The following CHDH variants were observed in gnomAD, a reference collection of about 807,000 sequenced individuals.
CHDH encodes the protein choline dehydrogenase, also known as choline dehydrogenase, mitochondrial.
Under a neutral mutation model 56.9 loss-of-function variants are expected in CHDH, and 43 were observed. The ratio of observed to expected loss-of-function variants is 0.76; its 90% CI spans 0.59 to 0.97. The LOEUF (loss-of-function observed/expected upper bound fraction) is 0.97, where lower values mean the gene tolerates loss of function less well. Ranked by LOEUF, CHDH falls within the 50% of genes least tolerant of loss-of-function variation. The pLI, the probability that CHDH is intolerant of heterozygous loss-of-function variation, is 0.00. For missense variants in CHDH, 816 were observed against 821.1 expected, an observed-to-expected ratio of 0.99 and a Z score of 0.08; for synonymous variants, 364 against 348.5, an observed-to-expected ratio of 1.04 and a Z score of -0.50.
chr3:53,835,717 G>A lies in CHDH; in HGVS notation c.-60+5212C>T, dbSNP rs573311080. Among the ~76,000 whole-genome samples the A allele has an allele frequency of 1.8e-4, 28 of 152,288 alleles. No homozygotes were observed. The South Asian group carries it at 2.5e-3, about 14-fold the overall frequency. On this transcript the variant is annotated intron_variant, in intron 2 of 8. Coordinates refer to ENST00000315251, the MANE Select transcript of CHDH (RefSeq NM_018397.5). ...TGATCATACAGCTCCATTAAACCATGGGACCAAACTGAGTTATATTAACAG... is the reference window on the plus strand; with the variant it reads ...TGATCATACAGCTCCATTAAACCATAGGACCAAACTGAGTTATATTAACAG...
chr3:53,818,422 C>T (rs1355370584), intron 8 of CHDH, among the ~76,000 whole-genome samples: 2 of 152,206 alleles, frequency 1.3e-5, no homozygotes, highest in Admixed American at 6.5e-5. Context: ...ACAGCCCACC[C>T]AGAGGCCCAG....
chr3:53,819,693 T>G lies in CHDH; in HGVS notation c.1121-19A>C. 1 of 1,575,498 alleles carries G rather than the reference T, an allele frequency of 6.3e-7. No homozygotes were observed. Among genetic ancestry groups the G allele is most frequent in the Non-Finnish European group, 8.6e-7 (1 of 1,159,682 alleles). ...CCCTCCCCTGAGAAGCAGAAGAGGATGAGGCAGAAGAGCCAGTCAGGCCGT... is the reference window on the plus strand; with the variant it reads ...CCCTCCCCTGAGAAGCAGAAGAGGAGGAGGCAGAAGAGCCAGTCAGGCCGT... On this transcript the variant is annotated intron_variant, in intron 6 of 8. Coordinates refer to ENST00000315251, the MANE Select transcript of CHDH (RefSeq NM_018397.5). This position sits in a 1 kb window ranked among gnomAD's most constrained non-coding sequence, Gnocchi z 5.4.
chr3:53,842,000 G>T (rs1032013810), intron 1 of CHDH, among the ~76,000 whole-genome samples: 3 of 151,888 alleles, frequency 2.0e-5, no homozygotes, highest in Non-Finnish European at 4.4e-5. Flanking sequence ...AAAAAAGAAA[G>T]AAAAAATTAG....
chr3:53,843,881 C>A (rs1401561254), intron 1 of CHDH, among the ~76,000 whole-genome samples: 1 of 152,226 alleles, frequency 6.6e-6, no homozygotes, highest in Non-Finnish European at 1.5e-5. Flanking sequence ...CTTGCCAGAG[C>A]CTCCAGTTCA....
chr3:53,827,575 G>GCCACTGCACTC (rs577001056), intron 2 of CHDH, among the ~76,000 whole-genome samples: 282 of 152,248 alleles, frequency 1.9e-3, no homozygotes, highest in Middle Eastern at 6.8e-3. Flanking sequence ...GTATGATTGA[G>GCCACTGCACTC]CCACTGCACT....
Position 53,816,721 on chromosome 3 carries a change from C to T in CHDH, c.*1056G>A, listed in dbSNP as rs1321981611. ...ACGTGGGGTTTGCTCTTGGTTTCTGCATTTCTTGGTAAAAGGAAAACCTTT... is the reference window on the plus strand; with the variant it reads ...ACGTGGGGTTTGCTCTTGGTTTCTGTATTTCTTGGTAAAAGGAAAACCTTT... On this transcript the variant is annotated 3_prime_UTR_variant, in exon 9 of 9. Coordinates refer to ENST00000315251, the MANE Select transcript of CHDH (RefSeq NM_018397.5). The T allele has an allele frequency of 6.6e-6, 1 of 152,022 alleles. No individual in the cohort carries two copies. Among genetic ancestry groups the T allele is most frequent in the Non-Finnish European group, 1.5e-5 (1 of 68,032 alleles). The allele number at this position is 152,022 out of a possible 1,614,324, so 9.4% of individuals were successfully genotyped here.
chr3:53,819,873 C>CTATT lies in CHDH; in HGVS notation c.1121-203_1121-200dup, dbSNP rs1244527432. ...CCAGCACCACACCATAAAATGTCAG[C>CTATT]TATTTGCCAAAAGGATGGCATCAGC... On this transcript the variant is annotated intron_variant, in intron 6 of 8. Transcript: ENST00000315251. This position sits in a 1 kb window ranked among gnomAD's most constrained non-coding sequence, Gnocchi z 5.4. 1.3e-5 allele frequency among the ~76,000 whole-genome samples: 2 copies of CTATT among 152,208 alleles called. No individual in the cohort carries two copies. The highest frequency in any genetic ancestry group is 2.9e-5 in the Non-Finnish European group (2 of 68,042).
intron 2 of CHDH, among the ~76,000 whole-genome samples, chr3:53,838,806 T>C (rs996111173): frequency 5.3e-5 from 8 of 152,146 alleles, no homozygotes; most frequent in African/African-American, 1.9e-4. Context: ...TATATAAAAA[T>C]GCACTATCCG....
At position 53,818,111 on chromosome 3, in the gene CHDH, T is replaced by C. The variant is rs1034282100; in HGVS notation, c.1451A>G (p.Lys484Arg). The C allele has an allele frequency of 1.5e-5, 25 of 1,613,926 alleles. 1 individual carries two copies. In the Admixed American group the frequency reaches 1.8e-4, roughly 12 times the overall value. The change falls in exon 9 of 9, where the codon AAA becomes AGA. Residue 484 changes from lysine to arginine, a missense_variant. Transcript: ENST00000315251. Reference sequence around the variant, plus strand: ...AATGTGGCTTCCTGGCTGGAGCTCTTTCCCTCGGAACGGAGCCAGGGCTTC... The same window carrying C: ...AATGTGGCTTCCTGGCTGGAGCTCTCTCCCTCGGAACGGAGCCAGGGCTTC... ...AQEALAPFRG[K>R]ELQPGSHIQS...
At chr3:53,818,275 C>T (rs1045501113) in intron 8 of CHDH, 80 bp from the exon 9 acceptor site, 40 of 1,288,572 alleles carry the variant, frequency 3.1e-5, no homozygotes, top group African/African-American at 1.5e-4. Flanking sequence ...CATGGAGAGG[C>T]TCTGTAAGCT....
At chr3:53,837,444 C>T (rs1241404592) in intron 2 of CHDH, among the ~76,000 whole-genome samples, 1 of 152,230 alleles carries the variant, frequency 6.6e-6, no homozygotes, top group Non-Finnish European at 1.5e-5. Flanking sequence ...TACAGGCTGC[C>T]AACAAAACCC....
rs905149696 is a variant in CHDH, at chr3:53,832,270, G to A, written c.-59-8203C>T. ...AGTAGGGCCGGGCATGGTGGCTCAC[G>A]CCTGTAATCCCAGCACTTTGGGAGG... On this transcript the variant is annotated intron_variant, in intron 2 of 8. Coordinates refer to ENST00000315251, the MANE Select transcript of CHDH (RefSeq NM_018397.5). 7.9e-5 allele frequency among the ~76,000 whole-genome samples: 12 copies of A among 152,264 alleles called. No individual in the cohort carries two copies. In the South Asian group the frequency reaches 1.0e-3, roughly 13 times the overall value.
chr3:53,837,620 T>A (rs991564082), intron 2 of CHDH, among the ~76,000 whole-genome samples: 6 of 152,212 alleles, frequency 3.9e-5, no homozygotes, highest in Non-Finnish European at 7.3e-5. Flanking sequence ...TCCCCTCTGC[T>A]GCCCCACTGT....
At chr3:53,818,501 G>A (rs1350883927) in intron 8 of CHDH, among the ~76,000 whole-genome samples, 9 of 152,216 alleles carry the variant, frequency 5.9e-5, no homozygotes. Context: ...CTGCTACAGT[G>A]GGGCTGTGAG....
In CHDH at chr3:53,823,381, C is replaced by T. The variant is rs1037978085; in HGVS notation, c.628G>A (p.Gly210Ser). Reference sequence around the variant, plus strand: ...TTCATGTCCTCGGTGAGCGGGTAGCCGGCCTGCTGCGTGGCCTCCAGGAAT... The same window carrying T: ...TTCATGTCCTCGGTGAGCGGGTAGCTGGCCTGCTGCGTGGCCTCCAGGAAT... ...CAFLEATQQA[G>S]YPLTEDMNGF... Residue 210 changes from glycine to serine, a missense_variant, in exon 3 of 9, where the codon GGC (glycine) becomes AGC (serine). Physicochemically the swap from Gly to Ser is moderately conservative, Grantham distance 56. Transcript: ENST00000315251. 3 of 1,605,144 alleles carry T rather than the reference C, an allele frequency of 1.9e-6. No individual in the cohort carries two copies. The highest frequency in any genetic ancestry group is 1.7e-6 in the Non-Finnish European group (2 of 1,175,366).
Position 53,823,616 on chromosome 3 carries a change from G to T in CHDH, c.393C>A (p.Ser131=). 1.3e-6 allele frequency: 2 copies of T among 1,543,960 alleles called. No individual in the cohort carries two copies. The highest frequency in any genetic ancestry group is 1.7e-6 in the Non-Finnish European group (2 of 1,146,234). ...YWPRGRVWGG[S]SSLNAMVYVR... is the part of the protein sequence containing the mutation. Reference sequence around the variant, plus strand: ...CGTAGACCATGGCATTGAGGGATGAGGAGCCACCCCAGACGCGGCCGCGTG... The same window carrying T: ...CGTAGACCATGGCATTGAGGGATGATGAGCCACCCCAGACGCGGCCGCGTG... Residue 131 remains serine (S), a synonymous_variant, in exon 3 of 9, where the codon TCC becomes TCA. Transcript: ENST00000315251.
intron 2 of CHDH, among the ~76,000 whole-genome samples, chr3:53,835,013 G>A (rs1248700385): frequency 2.6e-5 from 4 of 152,124 alleles, no homozygotes; most frequent in Admixed American, 6.5e-5. Flanking sequence ...TCCACTTTGG[G>A]GACAACCTGG....
chr3:53,832,510 C>A (rs138971402), intron 2 of CHDH, among the ~76,000 whole-genome samples: 4 of 151,444 alleles, frequency 2.6e-5, no homozygotes, highest in Middle Eastern at 3.4e-3. Flanking sequence ...CCAGCCTGGG[C>A]GACAGAGCGA....
chr3:53,819,586 C>A lies in CHDH; in HGVS notation c.1209G>T (p.Leu403=). ...GCCCGTGGTCAATCACTTGGGATGG[C>A]AGGAAATGGAACTGGATGTCCGGGT... The part of the protein sequence containing the change: ...VPHPDIQFHF[L]PSQVIDHGRV... Residue 403 remains leucine, a synonymous_variant, in exon 7 of 9, where the codon CTG becomes CTT. Coordinates refer to ENST00000315251, the MANE Select transcript of CHDH (RefSeq NM_018397.5). This position sits in a 1 kb window ranked among gnomAD's most constrained non-coding sequence, Gnocchi z 5.4. The A allele has an allele frequency of 6.2e-7, 1 of 1,612,364 alleles. No homozygotes were observed. Among genetic ancestry groups the A allele is most frequent in the South Asian group, 1.1e-5 (1 of 90,856 alleles).
Sources: gnomAD v4.1 joint callset for allele counts (sites outside exome capture counted in the v4.1 genomes callset) on GRCh38, gnomAD v4.1.1 for gene constraint, Gnocchi (gnomAD v3.1) non-coding constraint, MANE v1.5 for transcripts, NCBI Gene and HGNC (gene_info 2026-07-23, HGNC 2026-07-21) for gene names.